The following PIK3C2G variants were observed in gnomAD, a reference collection of about 807,000 sequenced individuals.
PIK3C2G encodes the protein phosphatidylinositol-4-phosphate 3-kinase catalytic subunit type 2 gamma, also known as phosphatidylinositol 3-kinase C2 domain-containing subunit gamma.
Under a neutral mutation model 181.1 loss-of-function variants are expected in PIK3C2G, and 168 were observed. The ratio of observed to expected loss-of-function variants is 0.93; its 90% CI spans 0.82 to 1.05. PIK3C2G has a LOEUF of 1.05. Ranked by LOEUF, PIK3C2G falls within the 50% of genes least tolerant of loss-of-function variation. The pLI is 0.00. For synonymous variants in PIK3C2G, 573 were observed against 592.2 expected (o/e 0.97, Z 0.47); for missense variants, 1,869 against 1,732.8 (o/e 1.08, Z -1.40).
chr12:18,714,071 C>T, the PIK3C2G span, among the ~76,000 whole-genome samples: 2 of 152,286 alleles, frequency 1.3e-5, no homozygotes, highest in South Asian at 4.2e-4. Context: ...AATCTTCATA[C>T]CCAGCCCAGA....
chr12:18,563,439 G>A lies in PIK3C2G; in HGVS notation c.3843G>A (p.Glu1281=), dbSNP rs746995573. The change falls in exon 28 of 33, where the codon GAG becomes GAA. Residue 1281 remains glutamate (E), a synonymous_variant. Transcript: ENST00000538779. ...NETSLTEKSF[E]QFSKLHSQLQ... The stretch of plus-strand genomic sequence containing the variant: ...CAAGCCTGACAGAAAAATCATTTGA[G>A]CAGTTTTCAAAACTTCACAGCCAAC... The A allele has an allele frequency of 1.5e-5, 25 of 1,613,470 alleles. 1 individual carries two copies.
chr12:18,655,480 C>T, the PIK3C2G span, among the ~76,000 whole-genome samples: 1 of 152,198 alleles, frequency 6.6e-6, no homozygotes, highest in South Asian at 2.1e-4. Context: ...AGATGTTGCA[C>T]CTGATAAAAG....
chr12:18,634,075 G>T (rs1399706627), intron 31 of PIK3C2G, among the ~76,000 whole-genome samples: 1 of 152,120 alleles, frequency 6.6e-6, no homozygotes, highest in African/African-American at 2.4e-5. Flanking sequence ...GCCTGGCAAG[G>T]TATCACCACC....
In PIK3C2G at chr12:18,408,539, CA is replaced by C. The variant is rs532797005; in HGVS notation, c.2315+8696del. Among the ~76,000 whole-genome samples, 196 of 151,994 alleles carry C rather than the reference CA, an allele frequency of 1.3e-3. 2 individuals carry two copies. The highest frequency in any genetic ancestry group is 4.4e-3 in the African/African-American group (181 of 41,490). ...TCTTTTTGCTTAGGATTGTCTTTAA[CA>C]AAAGCCAAAACAGACAAATGGGATC... On this transcript the variant is annotated intron_variant, in intron 16 of 32. Transcript: ENST00000538779.
chr12:18,291,888 A>C (rs1949703965), intron 4 of PIK3C2G, among the ~76,000 whole-genome samples: 1 of 149,474 alleles, frequency 6.7e-6, no homozygotes, highest in African/African-American at 2.4e-5. Flanking sequence ...CTGCTAGCTT[A>C]AGCAAAAAAA....
intron 9 of PIK3C2G, among the ~76,000 whole-genome samples, chr12:18,342,447 G>A (rs1308308021): frequency 6.6e-6 from 1 of 151,688 alleles, no homozygotes; most frequent in East Asian, 1.9e-4. Context: ...GAGAAACCTG[G>A]CTTTTAACTA....
chr12:18,693,803 A>G, the PIK3C2G span: 1 of 1,518,896 alleles, frequency 6.6e-7, no homozygotes, highest in Non-Finnish European at 9.1e-7. Flanking sequence ...AGCGCTTATC[A>G]GACCAGGCCG....
At chr12:18,509,712 C>G (rs1185272433) in intron 24 of PIK3C2G, among the ~76,000 whole-genome samples, 1 of 152,152 alleles carries the variant, frequency 6.6e-6, no homozygotes, top group African/African-American at 2.4e-5. Context: ...TTTCAAACTT[C>G]TAAGAGAGAA....
chr12:18,598,817 C>T (rs2136522789), intron 30 of PIK3C2G, among the ~76,000 whole-genome samples: 1 of 151,436 alleles, frequency 6.6e-6, no homozygotes, highest in Middle Eastern at 3.4e-3. Flanking sequence ...AACAAACAAC[C>T]CCATCAAAAA....
At chr12:18,279,863 T>A (rs947673996) in intron 1 of PIK3C2G, among the ~76,000 whole-genome samples, 5 of 152,026 alleles carry the variant, frequency 3.3e-5, no homozygotes, top group African/African-American at 7.2e-5. Flanking sequence ...CTCTTGAAAA[T>A]CTTTCCCAAA....
intron 22 of PIK3C2G, among the ~76,000 whole-genome samples, chr12:18,502,829 C>G (rs548962546): frequency 1.3e-5 from 2 of 152,120 alleles, no homozygotes; most frequent in Non-Finnish European, 1.5e-5. Context: ...AACTGTGAAG[C>G]TTTTTTTAAC....
At chr12:18,688,062 A>G in the PIK3C2G span, 1 of 1,607,882 alleles carries the variant, frequency 6.2e-7, no homozygotes. Flanking sequence ...TCTAATGGAA[A>G]TTCAATAAGG....
chr12:18,408,342 G>A (rs961668612), intron 16 of PIK3C2G, among the ~76,000 whole-genome samples: 1 of 152,036 alleles, frequency 6.6e-6, no homozygotes, highest in East Asian at 1.9e-4. Context: ...TTGCTTGTTT[G>A]TGTCAGGTTT....
chr12:18,449,690 T>C (rs12049948), intron 18 of PIK3C2G, among the ~76,000 whole-genome samples: 27,779 of 152,158 alleles, frequency 0.18, 3,329 homozygotes, highest in African/African-American at 0.34. Context: ...ATTGTCTTTA[T>C]CCAGTCTATC....
chr12:18,491,373 T>C (rs1205176861), intron 19 of PIK3C2G, 78 bp from the exon 20 acceptor site: 2 of 756,398 alleles, frequency 2.6e-6, no homozygotes, highest in South Asian at 1.7e-5. Context: ...ATTTAATCAA[T>C]AGAAGAAAAT....
intron 24 of PIK3C2G, among the ~76,000 whole-genome samples, chr12:18,528,185 A>C (rs900661710): frequency 6.6e-6 from 1 of 152,086 alleles, no homozygotes; most frequent in Non-Finnish European, 1.5e-5. Context: ...CAATTAACTC[A>C]TGGATATTAG....
At chr12:18,536,084 A>G (rs901891100) in intron 24 of PIK3C2G, among the ~76,000 whole-genome samples, 2 of 152,160 alleles carry the variant, frequency 1.3e-5, no homozygotes, top group African/African-American at 4.8e-5. Flanking sequence ...TGTTGTGCAC[A>G]TGTACCCTAA....
intron 32 of PIK3C2G, among the ~76,000 whole-genome samples, chr12:18,642,048 C>T (rs1193670783): frequency 6.6e-6 from 1 of 152,086 alleles, no homozygotes; most frequent in Non-Finnish European, 1.5e-5. Context: ...CATGCCCGGC[C>T]TCTGTCACAC....
intron 24 of PIK3C2G, among the ~76,000 whole-genome samples, chr12:18,524,065 C>A (rs1278958926): frequency 1.3e-5 from 2 of 152,218 alleles, no homozygotes; most frequent in Non-Finnish European, 2.9e-5. Flanking sequence ...GAGAGCCCCA[C>A]TCCTTTTCTT....
Sources: gnomAD v4.1 joint callset for allele counts (sites outside exome capture counted in the v4.1 genomes callset) on GRCh38, gnomAD v4.1.1 for gene constraint, MANE v1.5 for transcripts, NCBI Gene and HGNC (gene_info 2026-07-23, HGNC 2026-07-21) for gene names.